The following RP1 variants were observed in gnomAD, a reference collection of about 807,000 sequenced individuals.
The protein encoded by RP1 is RP1 axonemal microtubule associated.
RP1 carries 16 observed loss-of-function variants against 14.8 expected under a neutral mutation model. The ratio of observed to expected loss-of-function variants is 1.08; its 90% confidence interval spans 0.73 to 1.65. The LOEUF is 1.65. Among genes scored for constraint, RP1 ranks in the 40% most tolerant of loss-of-function variants. RP1 has a pLI of 0.00. For synonymous variants in RP1, 876 were observed against 883.6 expected (o/e 0.99, Z 0.15); for missense variants, 2,631 against 2,535.0 (o/e 1.04, Z -0.81).
At chr8:54,728,442 AT>A (rs540492845) in intron 17 of RP1, among the ~76,000 whole-genome samples, 61 of 152,196 alleles carry the variant, frequency 4.0e-4, no homozygotes, top group Non-Finnish European at 7.8e-4. Context: ...TTTTAAAGAT[AT>A]CTAAAACCAA....
chr8:54,734,728 A>G, exon 18 of RP1: 3 of 1,532,022 alleles, frequency 2.0e-6, no homozygotes, highest in South Asian at 1.2e-5. Context: ...CTTCCAGGAC[A>G]CGAGGATGAG....
Position 54,629,349 on chromosome 8 carries a change from C to T in RP1, c.5467C>T (p.His1823Tyr). 1.2e-6 allele frequency: 2 copies of T among 1,614,110 alleles called. No individual in the cohort carries two copies. The highest frequency in any genetic ancestry group is 1.7e-6 in the Non-Finnish European group (2 of 1,179,988). Residue 1823 changes from histidine to tyrosine, a missense_variant, in exon 4 of 4, where the codon CAT (histidine) becomes TAT (tyrosine). Coordinates refer to ENST00000220676, the MANE Select transcript of RP1 (RefSeq NM_006269.2). ...ELKCNYFNMP[H>Y]GSDSEPFHED... ...AAAATGCAATTACTTTAACATGCCT[C>T]ATGGTAGTGACTCAGAACCTTTTCA...
intron 1 of RP1, among the ~76,000 whole-genome samples, chr8:54,598,961 G>GT (rs1193246570): frequency 6.6e-6 from 1 of 151,984 alleles, no homozygotes; most frequent in Non-Finnish European, 1.5e-5. Context: ...ATTTCTTTGG[G>GT]TTTTTTGTCC....
At chr8:54,767,273 A>G (rs1445555791) in intron 22 of RP1, among the ~76,000 whole-genome samples, 28 of 152,154 alleles carry the variant, frequency 1.8e-4, no homozygotes. Context: ...GATTAAGGAC[A>G]TGGGGCAAGG....
chr8:54,757,803 A>C (rs1220611823), intron 21 of RP1, among the ~76,000 whole-genome samples: 1 of 152,230 alleles, frequency 6.6e-6, no homozygotes, highest in Non-Finnish European at 1.5e-5. Flanking sequence ...GCCTCATGAA[A>C]CGTCCCTTGT....
downstream of RP1, among the ~76,000 whole-genome samples, chr8:54,773,667 C>T (rs1809963714): frequency 6.6e-6 from 1 of 152,120 alleles, no homozygotes; most frequent in Non-Finnish European, 1.5e-5. Context: ...AAAATACCAT[C>T]TCAGGAAACT....
chr8:54,856,283 G>A (rs572988382), intron 26 of RP1, among the ~76,000 whole-genome samples: 1 of 152,214 alleles, frequency 6.6e-6, no homozygotes, highest in African/African-American at 2.4e-5. Flanking sequence ...AGTGGATATC[G>A]TTTGGGGAGA....
At chr8:54,780,860 A>C in intron 23 of RP1, 1 of 914,422 alleles carries the variant, frequency 1.1e-6, no homozygotes, top group Non-Finnish European at 1.3e-6. Flanking sequence ...GGAATTCTCT[A>C]GGTCAGTTTT....
Position 54,732,511 on chromosome 8 carries a change from G to A in RP1, c.2522-2034G>A, listed in dbSNP as rs577027823. 2.8e-4 allele frequency among the ~76,000 whole-genome samples: 42 copies of A among 152,222 alleles called. 1 individual carries two copies. The East Asian group carries it at 5.2e-3, about 19-fold the overall frequency. On this transcript the variant is annotated intron_variant, in intron 17 of 22. Transcript: ENST00000636932. ...CCAACACAATGCCCAGCAAATAATAGGAACTAAAGTTTTCTTTAGTTGAGT... is the reference window on the plus strand; with the variant it reads ...CCAACACAATGCCCAGCAAATAATAAGAACTAAAGTTTTCTTTAGTTGAGT...
chr8:54,759,828 G>A (rs1374546394), intron 22 of RP1, among the ~76,000 whole-genome samples: 1 of 152,052 alleles, frequency 6.6e-6, no homozygotes, highest in Non-Finnish European at 1.5e-5. Flanking sequence ...TACAAATTGA[G>A]TTAAAACCCA....
chr8:54,630,267 G>C lies in RP1; in HGVS notation c.6385G>C (p.Glu2129Gln), dbSNP rs148804709. The change falls in exon 4 of 4, where the codon GAG becomes CAG. Residue 2129 changes from glutamate (E) to glutamine (Q), a missense_variant. Glu to Gln is a conservative substitution (Grantham distance 29, BLOSUM62 2). Transcript: ENST00000220676. The stretch of plus-strand genomic sequence containing the variant: ...AAATATTTTAGAACTTTGTATGTTT[G>C]AGGGTGAAAATCTTTTCATTTGGGA... ...NRNILELCMF[E>Q]GENLFIWEEE... 4 of 1,613,558 alleles carry C rather than the reference G, an allele frequency of 2.5e-6. No individual in the cohort carries two copies. In the African/African-American group the frequency reaches 5.3e-5, roughly 22 times the overall value.
At chr8:54,808,660 T>TA (rs1481104982) in intron 24 of RP1, among the ~76,000 whole-genome samples, 1 of 152,214 alleles carries the variant, frequency 6.6e-6, no homozygotes, top group Non-Finnish European at 1.5e-5. Flanking sequence ...ATTTCTTTGT[T>TA]AAAAAATGTT....
intron 3 of RP1, among the ~76,000 whole-genome samples, chr8:54,638,677 A>G (rs1159675828): frequency 6.6e-6 from 1 of 152,106 alleles, no homozygotes; most frequent in African/African-American, 2.4e-5. Flanking sequence ...ATTTCACAAT[A>G]ATACACACTT....
intron 15 of RP1, among the ~76,000 whole-genome samples, chr8:54,709,074 A>G (rs1808233297): frequency 6.6e-6 from 1 of 152,208 alleles, no homozygotes; most frequent in Non-Finnish European, 1.5e-5. Flanking sequence ...CTTAGAGCTG[A>G]GGCTTTGTCC....
At chr8:54,759,080 A>T (rs1809576505) in intron 22 of RP1, 1 of 1,528,308 alleles carries the variant, frequency 6.5e-7, no homozygotes. Context: ...GTCAAAGGTA[A>T]TGCTGGTCTC....
intron 12 of RP1, among the ~76,000 whole-genome samples, chr8:54,694,731 T>C (rs1807812889): frequency 6.6e-6 from 1 of 152,214 alleles, no homozygotes; most frequent in Non-Finnish European, 1.5e-5. Flanking sequence ...TTAGTCTTGC[T>C]AGCGGTCTAT....
chr8:54,812,161 C>T (rs549134597), intron 24 of RP1, among the ~76,000 whole-genome samples: 21 of 152,256 alleles, frequency 1.4e-4, no homozygotes, highest in Admixed American at 1.0e-3. Flanking sequence ...TTTATGTAGA[C>T]ACAGAATCTC....
At chr8:54,688,527 A>G (rs1310108813) in intron 12 of RP1, among the ~76,000 whole-genome samples, 1 of 152,166 alleles carries the variant, frequency 6.6e-6, no homozygotes, top group East Asian at 1.9e-4. Flanking sequence ...AGCTTTCTAC[A>G]TATGGCTAGC....
chr8:54,637,376 G>T (rs62514617), intron 3 of RP1, among the ~76,000 whole-genome samples: 50,452 of 152,042 alleles, frequency 0.33, 9,222 homozygotes, highest in Middle Eastern at 0.47. Flanking sequence ...CAGTAGACCT[G>T]CACTGGCAGG....
Sources: allele counts gnomAD v4.1 joint callset (sites outside exome capture counted in the v4.1 genomes callset), GRCh38; gene constraint gnomAD v4.1.1; transcripts MANE v1.5; gene names NCBI Gene and HGNC (gene_info 2026-07-23, HGNC 2026-07-21).